The following CDH23 variants were observed in gnomAD, a reference collection of about 807,000 sequenced individuals.
The protein encoded by CDH23 is cadherin-23.
CDH23 carries 189 observed loss-of-function variants against 317.1 expected under a neutral mutation model. The observed-to-expected ratio is 0.60, with a 90% CI of 0.53 to 0.67. The LOEUF (loss-of-function observed/expected upper bound fraction) is 0.67, where lower values mean the gene tolerates loss of function less well. Among genes scored for constraint, CDH23 ranks in the 30% least tolerant of loss-of-function variants. The pLI is 0.00. For missense variants in CDH23, 4,401 were observed against 4,592.4 expected, an observed-to-expected ratio of 0.96 and a Z score of 1.20; for synonymous variants, 1,839 against 1,876.8, an observed-to-expected ratio of 0.98 and a Z score of 0.52.
rs1387552103 is a variant in CDH23 at position 71,799,433 on chromosome 10, G to A, written c.7225-59G>A. 8 of 1,612,196 alleles carry A rather than the reference G, an allele frequency of 5.0e-6. No homozygotes were observed. In the Admixed American group the frequency reaches 6.7e-5, roughly 13 times the overall value. On this transcript the variant is annotated intron_variant, in intron 51 of 69. Coordinates refer to ENST00000224721, the MANE Select transcript of CDH23 (RefSeq NM_022124.6). ...GCCTGCATCAGTGAGTTCTAGGGCT[G>A]TGCTCGGGCTCTGGGACTGACCTTG...
rs761972494 is a variant in CDH23, at chr10:71,570,783, C to G, written c.625-7C>G. On this transcript the variant is annotated splice_polypyrimidine_tract_variant and splice_region_variant and intron_variant, in intron 7 of 69. Coordinates refer to ENST00000224721, the MANE Select transcript of CDH23 (RefSeq NM_022124.6). ...CCTAAGGCTGTGTGTTCTCTCCGCT[C>G]TCTAAGGATCAAGACAAGACCAGGC... 5.0e-6 allele frequency: 8 copies of G among 1,605,842 alleles called. No individual in the cohort carries two copies. In the Admixed American group the frequency reaches 1.0e-4, roughly 21 times the overall value.
chr10:71,400,885 A>T (rs566772054), intron 1 of CDH23, among the ~76,000 whole-genome samples: 17 of 152,324 alleles, frequency 1.1e-4, no homozygotes, highest in African/African-American at 3.8e-4. Context: ...CCAGGTCTTA[A>T]TGTGTAAAGA....
At chr10:71,608,337 G>C (rs1375562023) in intron 9 of CDH23, among the ~76,000 whole-genome samples, 1 of 152,194 alleles carries the variant, frequency 6.6e-6, no homozygotes, top group African/African-American at 2.4e-5. Flanking sequence ...AGGTGACCAA[G>C]TCAGAGGCCA....
intron 2 of CDH23, among the ~76,000 whole-genome samples, chr10:71,445,087 C>T (rs1850092330): frequency 6.6e-6 from 1 of 152,226 alleles, no homozygotes; most frequent in Non-Finnish European, 1.5e-5. Context: ...CCAGACCCAG[C>T]CCGCTCTGAA....
At chr10:71,430,532 G>A (rs1849322307) in intron 1 of CDH23, among the ~76,000 whole-genome samples, 1 of 152,212 alleles carries the variant, frequency 6.6e-6, no homozygotes, top group Non-Finnish European at 1.5e-5. Flanking sequence ...GCCTAGGCCG[G>A]GCACAGTGGC....
chr10:71,746,505 G>A (rs771029607), intron 38 of CDH23, among the ~76,000 whole-genome samples: 5 of 152,342 alleles, frequency 3.3e-5, no homozygotes, highest in East Asian at 1.9e-4. Flanking sequence ...GCCACTGGCC[G>A]GGGGAGTCAT....
At position 71,499,125 on chromosome 10, in the gene CDH23, C is replaced by T. The variant is rs79138161; in HGVS notation, c.146-10957C>T. Reference sequence around the variant, plus strand: ...CCACATAGATGGAATTGAAGATCATCATGTTAAGTGAAATAAGCCAGGCAC... The same window carrying T: ...CCACATAGATGGAATTGAAGATCATTATGTTAAGTGAAATAAGCCAGGCAC... On this transcript the variant is annotated intron_variant, in intron 3 of 69. Transcript: ENST00000224721. Among the ~76,000 whole-genome samples, 98 of 152,256 alleles carry T rather than the reference C, an allele frequency of 6.4e-4. No homozygotes were observed. The East Asian group carries it at 0.014, about 22-fold the overall frequency.
chr10:71,813,485 A>G, intron 69 of CDH23, 137 bp downstream of exon 69: 1 of 755,578 alleles, frequency 1.3e-6, no homozygotes, highest in Admixed American at 2.1e-5. Context: ...GGTGGGGGCC[A>G]GGAAGTCAGA....
chr10:71,619,744 C>T (rs992674671), intron 11 of CDH23, among the ~76,000 whole-genome samples: 4 of 152,038 alleles, frequency 2.6e-5, no homozygotes, highest in Admixed American at 2.0e-4. Context: ...GGAGGTAGGC[C>T]GGGACCCAGG....
At chr10:71,722,336 C>A (rs1013998282) in intron 28 of CDH23, among the ~76,000 whole-genome samples, 2 of 152,124 alleles carry the variant, frequency 1.3e-5, no homozygotes, top group African/African-American at 4.8e-5. Flanking sequence ...TACTGGGATA[C>A]CCTACAGGAT....
chr10:71,795,886 C>T, intron 48 of CDH23: 2 of 986,746 alleles, frequency 2.0e-6, no homozygotes, highest in South Asian at 4.7e-5. Context: ...TCTTCTCTGC[C>T]TCACCCCATT....
At chr10:71,510,892 C>G in intron 4 of CDH23, 62 bp from the exon 5 acceptor site, 1 of 1,558,750 alleles carries the variant, frequency 6.4e-7, no homozygotes, top group Non-Finnish European at 8.9e-7. Context: ...CCATTTAGGG[C>G]CCAGGACCCA....
chr10:71,442,777 C>T (rs909073899), intron 2 of CDH23, among the ~76,000 whole-genome samples: 3 of 152,278 alleles, frequency 2.0e-5, no homozygotes, highest in South Asian at 2.1e-4. Context: ...TCTGACCATG[C>T]GGCCACCTGG....
At chr10:71,522,612 T>C (rs1854762591) in intron 6 of CDH23, among the ~76,000 whole-genome samples, 1 of 152,154 alleles carries the variant, frequency 6.6e-6, no homozygotes, top group East Asian at 1.9e-4. Flanking sequence ...GTGCAGGTGA[T>C]ATGGGACAGT....
rs1477939119 is a variant in CDH23, at chr10:71,815,377, G to T, written c.*99G>T. 1 of 1,201,538 alleles carries T rather than the reference G, an allele frequency of 8.3e-7. No homozygotes were observed. The highest frequency in any genetic ancestry group is 2.6e-5 in the East Asian group (1 of 38,524). 74.4% of individuals were successfully genotyped at this position (1,201,538 alleles called of 1,614,324 possible). A position where few individuals can be genotyped will look rare whatever the true frequency, so the allele number is the denominator to read the frequency against. ...GGGCCGGTCGGGGGGGACCCTCCAA[G>T]GCCAGGCCTTGGGGACAACCTTGGC... is the stretch of plus-strand genomic sequence containing the variant. On this transcript the variant is annotated 3_prime_UTR_variant, in exon 70 of 70. Coordinates refer to ENST00000224721, the MANE Select transcript of CDH23 (RefSeq NM_022124.6).
At chr10:71,775,918 A>G (rs997000465) in intron 38 of CDH23, among the ~76,000 whole-genome samples, 2 of 152,094 alleles carry the variant, frequency 1.3e-5, no homozygotes, top group African/African-American at 4.8e-5. Context: ...CCCAGCCTTG[A>G]GCCTTCCTGA....
intron 11 of CDH23, among the ~76,000 whole-genome samples, chr10:71,631,340 C>A (rs1862005900): frequency 6.6e-6 from 1 of 152,290 alleles, no homozygotes; most frequent in Admixed American, 6.5e-5. Flanking sequence ...GACTGGGCAG[C>A]CCCAGGACAC....
Position 71,741,789 on chromosome 10 carries a change from C to T in CDH23, c.4713C>T (p.Asn1571=), listed in dbSNP as rs778223046. ...SVLSYYITEG[N]KDMAFRMDRI... ...TGTCCTACTACATCACCGAGGGCAA[C>T]AAGGACATGGCCTTCCGCATGGACC... Residue 1571 remains asparagine, a synonymous_variant, in exon 38 of 70, where the codon AAC becomes AAT. Coordinates refer to ENST00000224721, the MANE Select transcript of CDH23 (RefSeq NM_022124.6). 2.5e-6 allele frequency: 4 copies of T among 1,612,946 alleles called. No individual in the cohort carries two copies. The highest frequency in any genetic ancestry group is 1.1e-5 in the South Asian group (1 of 90,788).
intron 38 of CDH23, among the ~76,000 whole-genome samples, chr10:71,758,646 G>C (rs1472437217): frequency 6.6e-6 from 1 of 152,212 alleles, no homozygotes; most frequent in African/African-American, 2.4e-5. Context: ...TGGGCTATGT[G>C]AGCTTGGGCA....
Sources: allele counts gnomAD v4.1 joint callset (sites outside exome capture counted in the v4.1 genomes callset), GRCh38; gene constraint gnomAD v4.1.1; transcripts MANE v1.5; gene names NCBI Gene and HGNC (gene_info 2026-07-23, HGNC 2026-07-21).